The following RFC3 variants were observed in gnomAD, a reference collection of about 807,000 sequenced individuals.
RFC3 encodes replication factor C subunit 3.
A neutral mutation model predicts 45.1 loss-of-function variants in RFC3; 41 were observed. The ratio of observed to expected loss-of-function variants is 0.91; its 90% CI spans 0.71 to 1.18. The LOEUF (loss-of-function observed/expected upper bound fraction) is 1.18, where lower values mean the gene tolerates loss of function less well. Ranked by LOEUF, RFC3 falls within the 50% of genes most tolerant of loss-of-function variation. The pLI is 0.00. For synonymous variants in RFC3, 149 were observed against 144.0 expected (o/e 1.03, Z -0.25); for missense variants, 423 against 428.1 (o/e 0.99, Z 0.10).
downstream of RFC3, among the ~76,000 whole-genome samples, chr13:33,840,580 ATTC>A (rs2082190335): frequency 4.6e-5 from 5 of 109,586 alleles, no homozygotes; most frequent in South Asian, 1.3e-3. Context: ...AAGTGTCTGA[ATTC>A]TTTTTTTTGT....
intron 8 of RFC3, among the ~76,000 whole-genome samples, chr13:33,919,360 C>T (rs1322102818): frequency 1.3e-5 from 2 of 151,820 alleles, no homozygotes; most frequent in Non-Finnish European, 2.9e-5. Flanking sequence ...GGCTGAATTG[C>T]TCAATGTATT....
At chr13:33,867,756 G>A (rs1318651407) in intron 8 of RFC3, among the ~76,000 whole-genome samples, 2 of 152,198 alleles carry the variant, frequency 1.3e-5, no homozygotes, top group Non-Finnish European at 2.9e-5. Context: ...GTTGGCTGAA[G>A]ATGAAAGGAA....
chr13:33,957,329 A>C (rs1036637000), intron 8 of RFC3, among the ~76,000 whole-genome samples: 3 of 152,320 alleles, frequency 2.0e-5, no homozygotes. Flanking sequence ...AGTATTAGTT[A>C]TTCCAGAGAG....
intron 8 of RFC3, among the ~76,000 whole-genome samples, chr13:33,919,369 T>C (rs954053704): frequency 6.6e-6 from 1 of 152,128 alleles, no homozygotes; most frequent in Non-Finnish European, 1.5e-5. Flanking sequence ...GCTCAATGTA[T>C]TTCTTTTTTT....
At chr13:33,930,738 G>A (rs1280126671) in intron 8 of RFC3, among the ~76,000 whole-genome samples, 1 of 152,106 alleles carries the variant, frequency 6.6e-6, no homozygotes, top group Admixed American at 6.6e-5. Flanking sequence ...TCCTGTTGAT[G>A]ATCTGGAAGT....
downstream of RFC3, among the ~76,000 whole-genome samples, chr13:33,839,463 A>G (rs907156145): frequency 2.6e-5 from 4 of 152,220 alleles, no homozygotes; most frequent in Non-Finnish European, 5.9e-5. Context: ...TGACAGGTGT[A>G]TGGTTGTATC....
intron 8 of RFC3, among the ~76,000 whole-genome samples, chr13:33,920,052 A>G (rs745737921): frequency 2.6e-5 from 4 of 152,054 alleles, no homozygotes; most frequent in Non-Finnish European, 5.9e-5. Flanking sequence ...TCCCTAATCA[A>G]CCTTCCCTTC....
At chr13:33,921,249 C>A (rs534847022) in intron 8 of RFC3, among the ~76,000 whole-genome samples, 1 of 152,230 alleles carries the variant, frequency 6.6e-6, no homozygotes, top group South Asian at 2.1e-4. Context: ...ACTATGGCAG[C>A]GGCTAAGTGC....
intron 8 of RFC3, chr13:33,846,934 C>T (rs746512937): frequency 6.6e-6 from 1 of 152,476 alleles, no homozygotes; most frequent in Non-Finnish European, 1.5e-5. Context: ...GAGTCTCACC[C>T]TGTTGACCAG....
chr13:33,830,896 C>A, intron 6 of RFC3, 41 bp downstream of exon 6: 2 of 1,571,786 alleles, frequency 1.3e-6, no homozygotes, highest in East Asian at 2.3e-5. Context: ...CTTTGGCCCC[C>A]AAGCTTTTTG....
intron 8 of RFC3, among the ~76,000 whole-genome samples, chr13:33,882,660 A>G (rs1306939609): frequency 6.6e-6 from 1 of 152,230 alleles, no homozygotes; most frequent in Non-Finnish European, 1.5e-5. Context: ...AAATGTGAGA[A>G]GTAAATGTTT....
chr13:33,893,683 T>G (rs1280429028), intron 8 of RFC3, among the ~76,000 whole-genome samples: 1 of 151,830 alleles, frequency 6.6e-6, no homozygotes, highest in African/African-American at 2.4e-5. Flanking sequence ...ACTGAAATAA[T>G]AATAATAAAA....
In RFC3 at chr13:33,821,276, A is replaced by G; in HGVS notation, c.225+7A>G. On this transcript the variant is annotated splice_region_variant and intron_variant, in intron 2 of 8. Transcript: ENST00000380071. Reference sequence around the variant, plus strand: ...TGAACATCAGACCATCACAGTAAGCATTTCACTTTGAGGCCCTGAAAGTAA... The same window carrying G: ...TGAACATCAGACCATCACAGTAAGCGTTTCACTTTGAGGCCCTGAAAGTAA... 1 of 1,612,796 alleles carries G rather than the reference A, an allele frequency of 6.2e-7. No individual in the cohort carries two copies. Among genetic ancestry groups the G allele is most frequent in the Non-Finnish European group, 8.5e-7 (1 of 1,179,060 alleles).
At chr13:33,961,300 G>T (rs757020355) in intron 8 of RFC3, among the ~76,000 whole-genome samples, 8 of 151,960 alleles carry the variant, frequency 5.3e-5, no homozygotes, top group Non-Finnish European at 1.0e-4. Flanking sequence ...CCATTTCCTC[G>T]TCAAAGCCTC....
intron 8 of RFC3, among the ~76,000 whole-genome samples, chr13:33,853,857 T>C (rs1437540332): frequency 6.6e-6 from 1 of 152,264 alleles, no homozygotes; most frequent in Admixed American, 6.5e-5. Flanking sequence ...GGGGAACTAC[T>C]ACTTAAAGAC....
At chr13:33,889,307 C>A (rs2082548591) in intron 8 of RFC3, among the ~76,000 whole-genome samples, 1 of 152,042 alleles carries the variant, frequency 6.6e-6, no homozygotes, top group Non-Finnish European at 1.5e-5. Flanking sequence ...TAGTTTTTAA[C>A]CTTTAGTAAG....
At chr13:33,967,194 A>G (rs556230950), downstream of RFC3, among the ~76,000 whole-genome samples, 1 of 152,230 alleles carries the variant, frequency 6.6e-6, no homozygotes, top group African/African-American at 2.4e-5. Context: ...AAGGGAAAAC[A>G]TTAGGGATAA....
intron 2 of RFC3, among the ~76,000 whole-genome samples, chr13:33,823,302 C>T (rs190428209): frequency 3.7e-4 from 56 of 152,232 alleles, no homozygotes; most frequent in Non-Finnish European, 4.0e-4. Flanking sequence ...CTGGGAATCT[C>T]TTACATAGAA....
At chr13:33,820,843 G>C (rs966516258) in intron 1 of RFC3, among the ~76,000 whole-genome samples, 2 of 151,232 alleles carry the variant, frequency 1.3e-5, no homozygotes, top group Non-Finnish European at 2.9e-5. Flanking sequence ...TATCTTGCAT[G>C]TGCTGTCACG....
Sources: allele counts gnomAD v4.1 joint callset (sites outside exome capture counted in the v4.1 genomes callset), GRCh38; gene constraint gnomAD v4.1.1; transcripts MANE v1.5; gene names NCBI Gene and HGNC (gene_info 2026-07-23, HGNC 2026-07-21).